GTF3C2: variants seen among roughly 807,000 people sequenced by gnomAD.
GTF3C2 encodes the protein general transcription factor 3C polypeptide 2.
In GTF3C2, 17 loss-of-function variants were observed where a neutral mutation model predicts 117.4. That is an observed-to-expected ratio of 0.14 (90% CI 0.10 to 0.22). The LOEUF (loss-of-function observed/expected upper bound fraction) is 0.22, where lower values mean the gene tolerates loss of function less well. GTF3C2 is among the 10% of genes least tolerant of loss of function. The pLI, the probability that GTF3C2 is intolerant of heterozygous loss-of-function variation, is 1.00. For missense variants in GTF3C2, 888 were observed against 1,143.6 expected (o/e 0.78, Z 3.22); for synonymous variants, 437 against 427.0 (o/e 1.02, Z -0.29).
At chr2:27,352,712 T>C (rs1681176831) in intron 1 of GTF3C2, among the ~76,000 whole-genome samples, 1 of 152,336 alleles carries the variant, frequency 6.6e-6, no homozygotes, top group East Asian at 1.9e-4. Flanking sequence ...TAAAAGCTCC[T>C]TGATTATTTT....
At position 27,329,210 on chromosome 2, in the gene GTF3C2, T is replaced by G. The variant is rs1321568990; in HGVS notation, c.1950A>C (p.Ile650=). Reference sequence around the variant, plus strand: ...TACTCAAGAAGCGCTTGATAGAGTTTATGGGTTCGTAAGGACGTCGAAGGT... The same window carrying G: ...TACTCAAGAAGCGCTTGATAGAGTTGATGGGTTCGTAAGGACGTCGAAGGT... The change falls in exon 14 of 19, where the codon ATA becomes ATC. Residue 650 remains isoleucine, a synonymous_variant. Transcript: ENST00000264720. The surrounding 1 kb of genome is among the most constrained non-coding windows in gnomAD (Gnocchi z 4.5). 6 of 1,614,144 alleles carry G rather than the reference T, an allele frequency of 3.7e-6. No homozygotes were observed. Among genetic ancestry groups the G allele is most frequent in the Non-Finnish European group, 5.1e-6 (6 of 1,179,996 alleles).
At chr2:27,356,362 G>A (rs564648708) in intron 1 of GTF3C2, 64 of 328,814 alleles carry the variant, frequency 1.9e-4, no homozygotes, top group South Asian at 1.3e-3. Flanking sequence ...TGGGCGTGAA[G>A]GTAGATTTCT....
At chr2:27,332,023 T>C (rs561452213) in intron 12 of GTF3C2, among the ~76,000 whole-genome samples, 3 of 152,316 alleles carry the variant, frequency 2.0e-5, no homozygotes, top group Admixed American at 6.5e-5. Context: ...TCTAAAAGTA[T>C]CTTGGAGGAA....
rs1358177471 is a variant in GTF3C2, at chr2:27,342,197, G to C, written c.606C>G (p.Leu202=). 1.9e-6 allele frequency: 3 copies of C among 1,613,538 alleles called. No individual in the cohort carries two copies. In the African/African-American group the frequency reaches 4.0e-5, roughly 22 times the overall value. ...ACACAGGGGCAGGCAGGGCTGTTGA[G>C]AGCTCTTCAGCCAGTTCCTGAAGAT... The change falls in exon 4 of 19, where the codon CTC becomes CTG. Residue 202 remains leucine (L), a synonymous_variant. Transcript: ENST00000264720.
At chr2:27,327,775 G>A (rs752315273) in intron 17 of GTF3C2, among the ~76,000 whole-genome samples, 35 of 151,828 alleles carry the variant, frequency 2.3e-4, no homozygotes, top group Non-Finnish European at 4.3e-4. Context: ...CTACAGGCAC[G>A]CGCCACCACG....
At chr2:27,343,330 G>C (rs1233281897) in exon 2 of GTF3C2, 2 of 1,613,988 alleles carry the variant, frequency 1.2e-6, no homozygotes, top group Admixed American at 1.7e-5. Context: ...GTCTGGAGAG[G>C]CTTTCCTGCT....
intron 5 of GTF3C2, 23 bp downstream of exon 5, chr2:27,337,903 A>C (rs1400714556): frequency 7.1e-7 from 1 of 1,407,654 alleles, no homozygotes. Flanking sequence ...TATTAACCCC[A>C]GCCCCCTGTC....
At chr2:27,330,231 G>A (rs1680231401) in intron 12 of GTF3C2, among the ~76,000 whole-genome samples, 1 of 151,850 alleles carries the variant, frequency 6.6e-6, no homozygotes, top group African/African-American at 2.4e-5. Flanking sequence ...GCCAATGCGG[G>A]TGGATCACTT....
chr2:27,336,120 C>T, intron 8 of GTF3C2, 78 bp downstream of exon 8: 1 of 1,412,082 alleles, frequency 7.1e-7, no homozygotes, highest in South Asian at 1.2e-5. Context: ...CCAATCCAAG[C>T]CCTTCCCCCT....
At chr2:27,327,338 T>G (rs1018789889) in intron 17 of GTF3C2, 54 bp from the exon 18 acceptor site, 4 of 964,132 alleles carry the variant, frequency 4.1e-6, no homozygotes, top group Non-Finnish European at 6.5e-6. Flanking sequence ...GTTTGTTTTT[T>G]TTAAGACGGA....
chr2:27,328,480 T>C, exon 16 of GTF3C2: 1 of 1,614,074 alleles, frequency 6.2e-7, no homozygotes, highest in Non-Finnish European at 8.5e-7. Flanking sequence ...ATCTTCGCTC[T>C]ACAGGTCGCT....
chr2:27,336,096 C>A (rs898825597), intron 8 of GTF3C2, 68 bp from the exon 9 acceptor site: 2 of 1,386,428 alleles, frequency 1.4e-6, no homozygotes, highest in South Asian at 1.2e-5. Context: ...GAGGTAAGCT[C>A]CCCTTGTCTC....
chr2:27,327,070 G>A, intron 18 of GTF3C2, 107 bp downstream of exon 18: 1 of 692,070 alleles, frequency 1.4e-6, no homozygotes, highest in Non-Finnish European at 2.5e-6. Context: ...TGCTCTGGAG[G>A]AGGAGGAGGT....
chr2:27,347,492 T>C (rs946155266), intron 1 of GTF3C2, among the ~76,000 whole-genome samples: 3 of 152,168 alleles, frequency 2.0e-5, no homozygotes, highest in African/African-American at 7.2e-5. Flanking sequence ...AATCCATCTA[T>C]ATTATTCCTG....
rs778530486 is a variant in GTF3C2 at position 27,343,075 on chromosome 2, G to A, written c.320C>T (p.Thr107Ile). The A allele has an allele frequency of 3.1e-6, 5 of 1,613,300 alleles. No homozygotes were observed. The East Asian group carries it at 1.1e-4, about 36-fold the overall frequency. Residue 107 changes from threonine (T) to isoleucine (I), a missense_variant, in exon 3 of 19, where the codon ACA (threonine) becomes ATA (isoleucine). Physicochemically the swap from Thr to Ile is moderately conservative, Grantham distance 89. This residue lies in a region of GTF3C2 where 393 missense variants were observed against 401.5 expected (regional missense o/e 0.98). Coordinates refer to ENST00000264720, the Ensembl canonical transcript of GTF3C2. ...TTGGGGCCTTTTGGGGCCTTTTCGTGTCCTACCACCTCTCTTCCGGCCAGG... is the reference window on the plus strand; with the variant it reads ...TTGGGGCCTTTTGGGGCCTTTTCGTATCCTACCACCTCTCTTCCGGCCAGG...
chr2:27,343,770 G>A, intron 1 of GTF3C2, 192 bp from the exon 2 acceptor site: 3 of 531,728 alleles, frequency 5.6e-6, no homozygotes, highest in Non-Finnish European at 1.0e-5. Flanking sequence ...TATGAGCCAG[G>A]TGCGGTGGCT....
At chr2:27,328,427 G>C (rs1558611577) in intron 16 of GTF3C2, 41 bp downstream of exon 16, 1 of 1,609,650 alleles carries the variant, frequency 6.2e-7, no homozygotes, top group Non-Finnish European at 8.5e-7. Flanking sequence ...GGGCATGTGG[G>C]TTAGGATCCA....
chr2:27,338,001 C>T (rs762377663), exon 5 of GTF3C2: 5 of 1,609,888 alleles, frequency 3.1e-6, no homozygotes, highest in Non-Finnish European at 3.4e-6. Context: ...AGCCATTCCT[C>T]GGCAGTGTGG....
chr2:27,333,156 CTCTT>C (rs1003118356), intron 12 of GTF3C2, among the ~76,000 whole-genome samples: 10 of 146,318 alleles, frequency 6.8e-5, no homozygotes, highest in Non-Finnish European at 1.5e-4. Flanking sequence ...CCGGCATCTA[CTCTT>C]TTTTTTTTTT....
Sources: gnomAD v4.1 joint callset for allele counts (sites outside exome capture counted in the v4.1 genomes callset) on GRCh38, gnomAD v4.1.1 for gene constraint, gnomAD v4.1.1 regional missense constraint, Gnocchi (gnomAD v3.1) non-coding constraint, MANE v1.5 for transcripts, NCBI Gene and HGNC (gene_info 2026-07-23, HGNC 2026-07-21) for gene names.